UPRT: variants seen among roughly 807,000 people sequenced by gnomAD.
UPRT encodes the protein RP11-311P8.3.
UPRT carries 5 observed loss-of-function variants against 22.6 expected under a neutral mutation model. That is an observed-to-expected ratio of 0.22 (90% confidence interval 0.12 to 0.47). UPRT has a LOEUF of 0.47. Ranked by LOEUF, UPRT falls within the 20% of genes least tolerant of loss-of-function variation. The probability of loss-of-function intolerance (pLI) is 0.99; values close to 1 mark genes in which losing one functional copy is unlikely to be tolerated. For missense variants in UPRT, 181 were observed against 239.9 expected (o/e 0.75, Z 1.62); for synonymous variants, 77 against 87.7 (o/e 0.88, Z 0.68).
chrX:75,195,070 C>T (rs1283730978), intron 4 of UPRT, among the ~76,000 whole-genome samples: 2 of 111,403 alleles, frequency 1.8e-5, no homozygotes, highest in Non-Finnish European at 3.8e-5. Context: ...CACCCCCCTA[C>T]ACACAGACAC....
At chrX:75,238,640 T>C (rs1171859684) in intron 4 of UPRT, among the ~76,000 whole-genome samples, 2 of 111,505 alleles carry the variant, frequency 1.8e-5, no homozygotes, top group African/African-American at 6.5e-5. Context: ...CAGAACATTC[T>C]ACCCAACAAC....
intron 4 of UPRT, among the ~76,000 whole-genome samples, chrX:75,243,504 G>C (rs914633032): frequency 5.4e-5 from 6 of 111,449 alleles, no homozygotes; most frequent in Non-Finnish European, 1.1e-4. Context: ...GGAGAATTAA[G>C]AGAACGTAGA....
intron 2 of UPRT, among the ~76,000 whole-genome samples, chrX:75,162,177 C>T (rs774504739): frequency 1.5e-4 from 16 of 106,057 alleles, no homozygotes; most frequent in African/African-American, 4.9e-4. Flanking sequence ...GTCTCGAACT[C>T]CTGACCTCAG....
chrX:75,225,002 C>T (rs2082419710), intron 4 of UPRT, among the ~76,000 whole-genome samples: 1 of 111,370 alleles, frequency 9.0e-6, no homozygotes, highest in Admixed American at 9.6e-5. Context: ...AGAACAATGG[C>T]AAGCTTCTGA....
rs1271450048 is a variant in UPRT, at chrX:75,303,475, T to C, written c.894T>C (p.Pro298=). ...CTACTGAAGTTCATCCTGTTGCACC[T>C]ACACATTTTGGACAGAAATACTTTG... The part of the protein sequence containing the change: ...ILTTEVHPVA[P]THFGQKYFGT... Residue 298 remains proline, a synonymous_variant, in exon 7 of 7, where the codon CCT becomes CCC. Transcript: ENST00000373383. The C allele has an allele frequency of 1.7e-6, 2 of 1,205,107 alleles. No individual in the cohort carries two copies. The highest frequency in any genetic ancestry group is 2.2e-6 in the Non-Finnish European group (2 of 892,219).
chrX:75,247,438 G>A (rs371136536), intron 4 of UPRT, among the ~76,000 whole-genome samples: 3 of 111,788 alleles, frequency 2.7e-5, no homozygotes, highest in African/African-American at 6.5e-5. Flanking sequence ...ACTATATCCC[G>A]CACCTGGTTC....
At chrX:75,157,335 C>CT (rs2082184886) in intron 1 of UPRT, among the ~76,000 whole-genome samples, 1 of 112,032 alleles carries the variant, frequency 8.9e-6, no homozygotes, top group Admixed American at 9.4e-5. Context: ...ATGCAGTTAG[C>CT]TTTTTTGTTC....
At chrX:75,264,927 C>G (rs1370339778) in intron 4 of UPRT, among the ~76,000 whole-genome samples, 1 of 111,651 alleles carries the variant, frequency 9.0e-6, no homozygotes, top group African/African-American at 3.3e-5. Flanking sequence ...TTTTATTTCT[C>G]CTTCACTTAT....
At chrX:75,256,233 A>C (rs901394939) in intron 4 of UPRT, among the ~76,000 whole-genome samples, 1 of 112,106 alleles carries the variant, frequency 8.9e-6, no homozygotes, top group African/African-American at 3.2e-5. Flanking sequence ...ATGCAAATAC[A>C]TGAAAATTAA....
chrX:75,265,640 C>G (rs1314497984), intron 4 of UPRT, among the ~76,000 whole-genome samples: 1 of 111,511 alleles, frequency 9.0e-6, no homozygotes, highest in Non-Finnish European at 1.9e-5. Flanking sequence ...CTCCTTTAGC[C>G]CGGAGTAGTT....
intron 4 of UPRT, among the ~76,000 whole-genome samples, chrX:75,257,131 C>T (rs1004534185): frequency 5.4e-5 from 6 of 112,121 alleles, no homozygotes; most frequent in Admixed American, 3.8e-4. Flanking sequence ...AAAATACTAA[C>T]TAACCAAATC....
intron 1 of UPRT, among the ~76,000 whole-genome samples, chrX:75,160,243 C>G (rs140762146): frequency 9.0e-4 from 101 of 111,657 alleles, no homozygotes; most frequent in Non-Finnish European, 1.2e-3. Context: ...TTTCTAACCT[C>G]TAGACATTTC....
chrX:75,219,541 T>C (rs1334819673), intron 4 of UPRT, among the ~76,000 whole-genome samples: 1 of 111,447 alleles, frequency 9.0e-6, no homozygotes, highest in African/African-American at 3.3e-5. Flanking sequence ...ATAATAAATA[T>C]AATAAATAAA....
At chrX:75,236,741 G>T (rs934418066) in intron 4 of UPRT, among the ~76,000 whole-genome samples, 11 of 112,477 alleles carry the variant, frequency 9.8e-5, no homozygotes, top group African/African-American at 2.9e-4. Flanking sequence ...AAACTGGCTA[G>T]CCAGATGTAG....
chrX:75,237,005 A>G (rs182250290), intron 4 of UPRT, among the ~76,000 whole-genome samples: 51 of 112,352 alleles, frequency 4.5e-4, no homozygotes, highest in Non-Finnish European at 6.2e-4. Flanking sequence ...ATCAGCGTGA[A>G]CAGGCAACCT....
At chrX:75,270,244 G>C (rs2082604051), upstream of UPRT, among the ~76,000 whole-genome samples, 1 of 111,652 alleles carries the variant, frequency 9.0e-6, no homozygotes, top group African/African-American at 3.3e-5. Context: ...TCATTAAAAA[G>C]TCAGGAAACA....
intron 5 of UPRT, 138 bp downstream of exon 5, chrX:75,300,034 A>G: frequency 1.5e-6 from 1 of 685,416 alleles, no homozygotes; most frequent in Admixed American, 3.3e-5. Context: ...TGCCCCAGGC[A>G]GTTCACTGGA....
chrX:75,266,868 C>G (rs770587530), intron 4 of UPRT, among the ~76,000 whole-genome samples: 1 of 111,520 alleles, frequency 9.0e-6, no homozygotes, highest in Non-Finnish European at 1.9e-5. Flanking sequence ...CAGAGAAATG[C>G]AAATCAAAGC....
chrX:75,232,244 C>T (rs1051365772), intron 4 of UPRT, among the ~76,000 whole-genome samples: 9 of 112,531 alleles, frequency 8.0e-5, no homozygotes, highest in African/African-American at 1.9e-4. Context: ...GCTTAAAAAA[C>T]GGCGCACAGG....
Sources: gnomAD v4.1 joint callset for allele counts (sites outside exome capture counted in the v4.1 genomes callset) on GRCh38, gnomAD v4.1.1 for gene constraint, MANE v1.5 for transcripts, NCBI Gene and HGNC (gene_info 2026-07-23, HGNC 2026-07-21) for gene names.